Variants in NAA38 observed in about 807,000 individuals in gnomAD.
The protein encoded by NAA38 is LSM domain containing 1.
In NAA38, 15 loss-of-function variants were observed where a neutral mutation model predicts 12.6. That is an observed-to-expected ratio of 1.19 (90% CI 0.79 to 1.83). The LOEUF (loss-of-function observed/expected upper bound fraction) is 1.83, where lower values mean the gene tolerates loss of function less well. Among genes scored for constraint, NAA38 ranks in the 40% most tolerant of loss-of-function variants. The probability of loss-of-function intolerance (pLI) is 0.00; values close to 1 mark genes in which losing one functional copy is unlikely to be tolerated. For missense variants in NAA38, 183 were observed against 171.7 expected (o/e 1.07, Z -0.37); for synonymous variants, 88 against 69.9 (o/e 1.26, Z -1.29).
intron 2 of NAA38, among the ~76,000 whole-genome samples, chr17:7,876,646 T>A (rs1010518981): frequency 6.6e-6 from 1 of 152,200 alleles, no homozygotes; most frequent in Admixed American, 6.5e-5. Context: ...CTTCTCTGAA[T>A]GCTGATTTTA....
intron 2 of NAA38, among the ~76,000 whole-genome samples, chr17:7,871,515 AAC>A (rs1296142829): frequency 1.3e-5 from 2 of 152,164 alleles, no homozygotes; most frequent in East Asian, 3.9e-4. Flanking sequence ...CAAGAATACA[AAC>A]ACTAGCTCGC....
intron 2 of NAA38, among the ~76,000 whole-genome samples, chr17:7,869,191 C>G (rs1206402609): frequency 6.6e-6 from 1 of 152,170 alleles, no homozygotes; most frequent in Admixed American, 6.5e-5. Flanking sequence ...TTAAACCTCA[C>G]CACAACCCTT....
At chr17:7,880,330 AAGAT>A (rs1381916385) in intron 2 of NAA38, among the ~76,000 whole-genome samples, 1 of 150,816 alleles carries the variant, frequency 6.6e-6, no homozygotes, top group Non-Finnish European at 1.5e-5. Context: ...GAGAGACACA[AAGAT>A]AGAGGCTGAA....
intron 1 of NAA38, chr17:7,884,979 A>G: frequency 8.1e-7 from 1 of 1,237,820 alleles, no homozygotes; most frequent in South Asian, 2.7e-5. Flanking sequence ...GGGCCGGGCC[A>G]CGACCGGGGC....
At chr17:7,858,487 A>T (rs1411996293), upstream of NAA38, 1 of 1,614,180 alleles carries the variant, frequency 6.2e-7, no homozygotes, top group South Asian at 1.1e-5. Flanking sequence ...GACGTGAGTT[A>T]TGCTGGAACC....
In NAA38 at chr17:7,857,558, T is replaced by TA. The variant is rs2078837840; in HGVS notation, c.-96_-95insT. ...GCGAGCGCTCCCGACCTCTTTCCTT[T>TA]CGCGAGATCCCCTCTCCTCCCCCTC... On this transcript the variant is annotated 5_prime_UTR_variant, in exon 1 of 3. Transcript: ENST00000575771. 1 of 1,419,556 alleles carries TA rather than the reference T, an allele frequency of 7.0e-7. No individual in the cohort carries two copies. The highest frequency in any genetic ancestry group is 9.2e-7 in the Non-Finnish European group (1 of 1,090,216). 87.9% of individuals were successfully genotyped at this position (1,419,556 alleles called of 1,614,324 possible).
upstream of NAA38, chr17:7,858,217 A>G (rs770646676): frequency 2.4e-5 from 39 of 1,613,898 alleles, no homozygotes; most frequent in African/African-American, 5.3e-5. Context: ...GTGGCCCAAC[A>G]TAACAGGCCC....
chr17:7,857,065 C>A lies in NAA38; in HGVS notation c.215G>T (p.Arg72Leu), dbSNP rs994069426. Residue 72 changes from arginine to leucine, a missense_variant, in exon 2 of 3, where the codon CGT becomes CTT. Physicochemically the swap from Arg to Leu is moderately radical, Grantham distance 102 (BLOSUM62 -2). Coordinates refer to ENST00000575771, the MANE Select transcript of NAA38 (RefSeq NM_001320925.4). The stretch of plus-strand genomic sequence containing the variant: ...CGAGCCCAGGATGACATTGCAGTCA[C>A]GGTCAGTGCAGAGGAAGCAGCCGAC... ...TLVGCFLCTD[R>L]DCNVILGSAQ... 2 of 1,613,404 alleles carry A rather than the reference C, an allele frequency of 1.2e-6. No homozygotes were observed. Among genetic ancestry groups the A allele is most frequent in the Non-Finnish European group, 8.5e-7 (1 of 1,179,910 alleles).
chr17:7,863,050 T>A (rs1271961964), upstream of NAA38: 2 of 152,158 alleles, frequency 1.3e-5, no homozygotes, highest in African/African-American at 4.8e-5. Context: ...TAGGAATTCA[T>A]GGGCTAGAAC....
At chr17:7,858,320 C>T, upstream of NAA38, 1 of 1,613,826 alleles carries the variant, frequency 6.2e-7, no homozygotes, top group East Asian at 2.2e-5. Context: ...TGGGCCGGGG[C>T]CGGAGTGTGT....
chr17:7,857,573 T>G (rs2078838128), upstream of NAA38: 1 of 1,398,230 alleles, frequency 7.2e-7, no homozygotes, highest in African/African-American at 1.5e-5. Context: ...AGATCCCCTC[T>G]CCTCCCCCTC....
chr17:7,878,138 G>C (rs528926628), intron 2 of NAA38, among the ~76,000 whole-genome samples: 1 of 151,946 alleles, frequency 6.6e-6, no homozygotes, highest in Non-Finnish European at 1.5e-5. Context: ...TCAAATTAAA[G>C]ACTTATGAAT....
intron 2 of NAA38, among the ~76,000 whole-genome samples, chr17:7,882,147 T>C (rs1967284418): frequency 6.6e-6 from 1 of 151,980 alleles, no homozygotes; most frequent in African/African-American, 2.4e-5. Context: ...TGATGAGTGT[T>C]TGTATAGGGA....
upstream of NAA38, chr17:7,858,420 CCCAT>C: frequency 6.2e-7 from 1 of 1,614,142 alleles, no homozygotes; most frequent in Non-Finnish European, 8.5e-7. Context: ...GCTGCTGAAA[CCCAT>C]CGTGGAAGTT....
chr17:7,857,722 A>T, upstream of NAA38: 1 of 1,290,546 alleles, frequency 7.7e-7, no homozygotes, highest in Non-Finnish European at 9.8e-7. Context: ...TCCTTTAGAA[A>T]CTGGAATTTA....
At chr17:7,879,108 A>C (rs1489346120) in intron 2 of NAA38, among the ~76,000 whole-genome samples, 1 of 152,134 alleles carries the variant, frequency 6.6e-6, no homozygotes. Context: ...ACATGTGGCA[A>C]CCTTTCTTAG....
At chr17:7,872,928 C>T (rs1488253813) in intron 2 of NAA38, among the ~76,000 whole-genome samples, 1 of 152,072 alleles carries the variant, frequency 6.6e-6, no homozygotes, top group African/African-American at 2.4e-5. Context: ...GACAGGGCCC[C>T]TCCTCTCTGG....
upstream of NAA38, chr17:7,858,148 G>A (rs150643693): frequency 8.5e-5 from 137 of 1,613,522 alleles, no homozygotes; most frequent in African/African-American, 1.5e-3. Context: ...CCGCGCCGGG[G>A]CCTGGTGGCT....
At chr17:7,863,605 TC>T (rs1275079518) in intron 3 of NAA38, 2 of 152,176 alleles carry the variant, frequency 1.3e-5, no homozygotes, top group Admixed American at 1.3e-4. Flanking sequence ...TTACAGCAAG[TC>T]ACAGGTGGAT....
Sources: allele counts gnomAD v4.1 joint callset (sites outside exome capture counted in the v4.1 genomes callset), GRCh38; gene constraint gnomAD v4.1.1; transcripts MANE v1.5; gene names NCBI Gene and HGNC (gene_info 2026-07-23, HGNC 2026-07-21).